The following NSL1 variants were observed in gnomAD, a reference collection of about 807,000 sequenced individuals.
NSL1 encodes kinetochore-associated protein NSL1 homolog.
A neutral mutation model predicts 25.4 loss-of-function variants in NSL1; 11 were observed. That is an observed-to-expected ratio of 0.43 (90% CI 0.27 to 0.72). The LOEUF (loss-of-function observed/expected upper bound fraction) is 0.72. Among genes scored for constraint, NSL1 ranks in the 30% least tolerant of loss-of-function variants. The pLI, the probability that NSL1 is intolerant of heterozygous loss-of-function variation, is 0.19. For synonymous variants in NSL1, 118 were observed against 120.6 expected (o/e 0.98, Z 0.14); for missense variants, 330 against 342.7 (o/e 0.96, Z 0.29).
At chr1:212,753,820 C>A (rs995431056) in intron 4 of NSL1, among the ~76,000 whole-genome samples, 1 of 152,122 alleles carries the variant, frequency 6.6e-6, no homozygotes, top group Non-Finnish European at 1.5e-5. Flanking sequence ...TAAGCTGTAA[C>A]AAGTACTATT....
At chr1:212,780,918 C>G (rs1429277659) in intron 4 of NSL1, among the ~76,000 whole-genome samples, 1 of 152,048 alleles carries the variant, frequency 6.6e-6, no homozygotes, top group Non-Finnish European at 1.5e-5. Context: ...TAGTGCAGAG[C>G]TGGAATTCAC....
intron 4 of NSL1, among the ~76,000 whole-genome samples, chr1:212,776,001 G>A (rs894676112): frequency 3.9e-5 from 6 of 151,990 alleles, no homozygotes; most frequent in East Asian, 1.9e-4. Context: ...CTAATTTTTC[G>A]TATTTTTAGT....
intron 4 of NSL1, among the ~76,000 whole-genome samples, chr1:212,749,055 C>T (rs1480171259): frequency 6.6e-6 from 1 of 151,994 alleles, no homozygotes; most frequent in African/African-American, 2.4e-5. Flanking sequence ...CCTATATTTT[C>T]CAACTATGCA....
Position 212,736,687 on chromosome 1 carries a change from A to C in NSL1, c.*1721T>G. 1.0e-6 allele frequency: 1 copy of C among 984,554 alleles called. No individual in the cohort carries two copies. The highest frequency in any genetic ancestry group is 1.7e-5 in the African/African-American group (1 of 57,340). The allele number at this position is 984,554 out of a possible 1,614,324, so 61.0% of individuals were successfully genotyped here. ...CAGCTGTCTGCCTGGGGACTTTAAAATATAACCATTTTTTAAAAACTTATA... is the reference window on the plus strand; with the variant it reads ...CAGCTGTCTGCCTGGGGACTTTAAACTATAACCATTTTTTAAAAACTTATA... On this transcript the variant is annotated 3_prime_UTR_variant, in exon 6 of 6. Coordinates refer to ENST00000366977, the MANE Select transcript of NSL1 (RefSeq NM_015471.4).
rs1657894794 is a variant in NSL1, at chr1:212,728,904, G to A, written c.*9504C>T. ...GGGGAGGCCAGAGTCCACCACTCTGGCAAAGAGCAGTGTTTATTTGTGTGT... is the reference window on the plus strand; with the variant it reads ...GGGGAGGCCAGAGTCCACCACTCTGACAAAGAGCAGTGTTTATTTGTGTGT... On this transcript the variant is annotated 3_prime_UTR_variant, in exon 6 of 6. Transcript: ENST00000366977. 2 of 985,266 alleles carry A rather than the reference G, an allele frequency of 2.0e-6. No individual in the cohort carries two copies. The highest frequency in any genetic ancestry group is 2.4e-6 in the Non-Finnish European group (2 of 829,934). 61.0% of individuals were successfully genotyped at this position (985,266 alleles called of 1,614,324 possible). A position where few individuals can be genotyped will look rare whatever the true frequency, so the allele number is the denominator to read the frequency against.
At chr1:212,762,306 C>CAAAAAAAAAAAAAAAA (rs71147025) in intron 4 of NSL1, among the ~76,000 whole-genome samples, 3 of 114,636 alleles carry the variant, frequency 2.6e-5, no homozygotes, top group Admixed American at 1.0e-4. Flanking sequence ...TTAAAAGAAA[C>CAAAAAAAAAAAAAAAA]AAAAAAAAAA....
At chr1:212,778,593 G>T (rs897835917) in intron 4 of NSL1, among the ~76,000 whole-genome samples, 1 of 152,162 alleles carries the variant, frequency 6.6e-6, no homozygotes, top group Non-Finnish European at 1.5e-5. Context: ...TGGAGACGGG[G>T]TTTCACTGTG....
intron 4 of NSL1, chr1:212,766,199 TA>T (rs2102375563): frequency 3.4e-6 from 2 of 594,688 alleles, no homozygotes; most frequent in Non-Finnish European, 3.0e-6. Context: ...CTCGAAGTAA[TA>T]AAAACCATAT....
At position 212,738,191 on chromosome 1, in the gene NSL1, A is replaced by T. The variant is rs1211149554; in HGVS notation, c.*217T>A. ...ATGCCCACTGATGGGCTTTGTGTCA[A>T]TACTTTTTAAAATGCTTTTTATTTA... On this transcript the variant is annotated 3_prime_UTR_variant, in exon 6 of 6. Transcript: ENST00000366977. 7.7e-7 allele frequency: 1 copy of T among 1,296,546 alleles called. No individual in the cohort carries two copies. The highest frequency in any genetic ancestry group is 9.8e-7 in the Non-Finnish European group (1 of 1,024,722). The allele number at this position is 1,296,546 out of a possible 1,614,324, so 80.3% of individuals were successfully genotyped here. A position where few individuals can be genotyped will look rare whatever the true frequency, so the allele number is the denominator to read the frequency against.
At chr1:212,747,097 A>G (rs1001506496) in intron 4 of NSL1, among the ~76,000 whole-genome samples, 8 of 150,728 alleles carry the variant, frequency 5.3e-5, no homozygotes, top group African/African-American at 2.0e-4. Flanking sequence ...GTGAGCTGAG[A>G]TCGCACTGCA....
At chr1:212,783,027 C>T (rs73083731) in intron 3 of NSL1, among the ~76,000 whole-genome samples, 31,034 of 152,066 alleles carry the variant, frequency 0.2, 3,988 homozygotes, top group African/African-American at 0.37. Context: ...AGGTCTTCAG[C>T]CAGCTGTGGT....
At chr1:212,758,093 G>C (rs1249187056) in intron 4 of NSL1, among the ~76,000 whole-genome samples, 1 of 152,070 alleles carries the variant, frequency 6.6e-6, no homozygotes, top group Non-Finnish European at 1.5e-5. Flanking sequence ...TAACATTTTT[G>C]GAATGTGCAT....
Position 212,777,735 on chromosome 1 carries a change from C to G in NSL1, c.499+4637G>C, listed in dbSNP as rs576215515. 3.9e-4 allele frequency among the ~76,000 whole-genome samples: 59 copies of G among 152,190 alleles called. No homozygotes were observed. In the South Asian group the frequency reaches 0.012, roughly 32 times the overall value. On this transcript the variant is annotated intron_variant, in intron 4 of 5. Coordinates refer to ENST00000366977, the MANE Select transcript of NSL1 (RefSeq NM_015471.4). The stretch of plus-strand genomic sequence containing the variant: ...GTGGAAGACACAAAGAAAGTTTCAA[C>G]TATATCTGAACATTTTAGTTCCTAA...
intron 4 of NSL1, among the ~76,000 whole-genome samples, chr1:212,743,204 C>T (rs990879164): frequency 1.3e-5 from 2 of 151,566 alleles, no homozygotes; most frequent in Non-Finnish European, 2.9e-5. Flanking sequence ...CTCCCTCTGT[C>T]GCCAGCAGCG....
intron 4 of NSL1, 146 bp from the exon 5 acceptor site, chr1:212,739,747 G>T: frequency 1.5e-6 from 1 of 679,360 alleles, no homozygotes; most frequent in Non-Finnish European, 2.5e-6. Flanking sequence ...CTTTCTCAGA[G>T]TGAGACCATT....
At chr1:212,788,688 G>T (rs1310982615) in intron 1 of NSL1, among the ~76,000 whole-genome samples, 2 of 152,060 alleles carry the variant, frequency 1.3e-5, no homozygotes, top group African/African-American at 4.8e-5. Context: ...AAACTAAAGA[G>T]AATGTGCTAG....
chr1:212,749,777 G>C (rs534319701), intron 4 of NSL1, among the ~76,000 whole-genome samples: 1 of 151,994 alleles, frequency 6.6e-6, no homozygotes, highest in Non-Finnish European at 1.5e-5. Flanking sequence ...TCTATCGGTT[G>C]CACAAGCAAT....
chr1:212,763,570 TA>T (rs1659669067), intron 4 of NSL1, among the ~76,000 whole-genome samples: 2 of 152,114 alleles, frequency 1.3e-5, no homozygotes, highest in South Asian at 2.1e-4. Flanking sequence ...CATAAAAATT[TA>T]AGGTAAAGGG....
Position 212,730,899 on chromosome 1 carries a change from T to C in NSL1, c.*7509A>G, listed in dbSNP as rs1164209798. ...TGCCACAAGCCATTAATGTGTGAGA[T>C]TGTGATCCAGGGAAACCGACAAGTT... On this transcript the variant is annotated 3_prime_UTR_variant, in exon 6 of 6. Coordinates refer to ENST00000366977, the MANE Select transcript of NSL1 (RefSeq NM_015471.4). 12 of 985,284 alleles carry C rather than the reference T, an allele frequency of 1.2e-5. No homozygotes were observed. The highest frequency in any genetic ancestry group is 1.4e-5 in the Non-Finnish European group (12 of 829,934). 61.0% of individuals were successfully genotyped at this position (985,284 alleles called of 1,614,324 possible).
Sources: gnomAD v4.1 joint callset for allele counts (sites outside exome capture counted in the v4.1 genomes callset) on GRCh38, gnomAD v4.1.1 for gene constraint, MANE v1.5 for transcripts, NCBI Gene and HGNC (gene_info 2026-07-23, HGNC 2026-07-21) for gene names.